Variants in PTPRK observed in about 807,000 individuals in gnomAD.
The protein encoded by PTPRK is protein tyrosine phosphatase receptor type K.
Under a neutral mutation model 178.0 loss-of-function variants are expected in PTPRK, and 75 were observed. The observed-to-expected ratio is 0.42, with a 90% CI of 0.35 to 0.51. PTPRK has a LOEUF of 0.51. Among genes scored for constraint, PTPRK ranks in the 20% least tolerant of loss-of-function variants. The pLI, the probability that PTPRK is intolerant of heterozygous loss-of-function variation, is 0.02. For synonymous variants in PTPRK, 637 were observed against 620.6 expected (o/e 1.03, Z -0.39); for missense variants, 1,441 against 1,797.8 (o/e 0.80, Z 3.59).
chr6:128,045,206 A>G (rs1777850434), intron 13 of PTPRK, among the ~76,000 whole-genome samples: 1 of 152,018 alleles, frequency 6.6e-6, no homozygotes, highest in Admixed American at 6.6e-5. Context: ...TATATTACAC[A>G]CACACATTTT....
At chr6:128,137,343 T>C (rs1795158561) in intron 7 of PTPRK, among the ~76,000 whole-genome samples, 1 of 152,204 alleles carries the variant, frequency 6.6e-6, no homozygotes, top group Non-Finnish European at 1.5e-5. Flanking sequence ...CTTGAAAATC[T>C]AGTTCCATCA....
intron 3 of PTPRK, among the ~76,000 whole-genome samples, chr6:128,258,658 G>C (rs1213153530): frequency 6.6e-6 from 1 of 152,194 alleles, no homozygotes; most frequent in South Asian, 2.1e-4. Flanking sequence ...ACAAGCATAT[G>C]GAACAGTGAC....
At chr6:128,364,126 T>A (rs1265690836) in intron 2 of PTPRK, among the ~76,000 whole-genome samples, 2 of 152,054 alleles carry the variant, frequency 1.3e-5, no homozygotes, top group African/African-American at 2.4e-5. Flanking sequence ...TCAAAAAAAA[T>A]AGACCATACT....
At chr6:128,280,982 A>G (rs1732727608) in intron 3 of PTPRK, among the ~76,000 whole-genome samples, 1 of 152,190 alleles carries the variant, frequency 6.6e-6, no homozygotes, top group South Asian at 2.1e-4. Flanking sequence ...TTAGGAAAAA[A>G]AAATCTAGGT....
chr6:128,132,082 C>T (rs773967039), intron 7 of PTPRK, among the ~76,000 whole-genome samples: 1 of 152,096 alleles, frequency 6.6e-6, no homozygotes, highest in Non-Finnish European at 1.5e-5. Context: ...AAATAAAATG[C>T]TCAGTAAAAT....
intron 13 of PTPRK, among the ~76,000 whole-genome samples, chr6:128,037,028 C>G (rs890098244): frequency 1.3e-5 from 2 of 152,046 alleles, no homozygotes; most frequent in Non-Finnish European, 2.9e-5. Context: ...CGCCGCTCCC[C>G]GCCCTCCCTA....
chr6:128,481,444 A>T (rs2128424068), intron 1 of PTPRK, among the ~76,000 whole-genome samples: 1 of 152,322 alleles, frequency 6.6e-6, no homozygotes. Flanking sequence ...TGCAGATTTC[A>T]AGATGATGAA....
In PTPRK at chr6:128,019,743, T is replaced by C. The variant is rs115041711; in HGVS notation, c.2195-10475A>G. ...GTGCAGTTTACATCCCTGTGTTGTC[T>C]AGTAAACAATAGACAAGTAAACAAG... On this transcript the variant is annotated intron_variant, in intron 13 of 29. Transcript: ENST00000368226. 9.0e-3 allele frequency among the ~76,000 whole-genome samples: 1,367 copies of C among 152,250 alleles called. 29 individuals carry two copies. The highest frequency in any genetic ancestry group is 0.031 in the African/African-American group (1,274 of 41,564).
At chr6:128,515,905 C>T (rs1470967656) in intron 1 of PTPRK, among the ~76,000 whole-genome samples, 1 of 151,958 alleles carries the variant, frequency 6.6e-6, no homozygotes, top group African/African-American at 2.4e-5. Context: ...ACCTGGTATA[C>T]TGCACTTTAA....
chr6:128,154,086 T>C (rs183108406), intron 7 of PTPRK, among the ~76,000 whole-genome samples: 3 of 151,790 alleles, frequency 2.0e-5, no homozygotes, highest in Admixed American at 6.6e-5. Context: ...AGAAGAAGGA[T>C]AGAAAAAGCT....
At chr6:128,480,909 C>A (rs368104842) in intron 1 of PTPRK, among the ~76,000 whole-genome samples, 2 of 152,258 alleles carry the variant, frequency 1.3e-5, no homozygotes, top group South Asian at 4.1e-4. Flanking sequence ...ACTTTCACTG[C>A]TTCTCCAAAT....
intron 1 of PTPRK, among the ~76,000 whole-genome samples, chr6:128,477,979 A>G (rs1851580798): frequency 6.6e-6 from 1 of 152,092 alleles, no homozygotes; most frequent in South Asian, 2.1e-4. Context: ...TAGGAACTGC[A>G]CAATACGTGT....
At chr6:128,281,236 C>A (rs1374467504) in intron 3 of PTPRK, among the ~76,000 whole-genome samples, 1 of 152,176 alleles carries the variant, frequency 6.6e-6, no homozygotes, top group Non-Finnish European at 1.5e-5. Flanking sequence ...GAGAACAGGG[C>A]CAGCCAGATG....
At chr6:128,390,150 GCAAA>G (rs1344251107) in intron 2 of PTPRK, among the ~76,000 whole-genome samples, 3 of 152,098 alleles carry the variant, frequency 2.0e-5, no homozygotes, top group Non-Finnish European at 4.4e-5. Flanking sequence ...ATACCTCACT[GCAAA>G]CAAAGACTTA....
chr6:127,982,303 C>T (rs1471610762), intron 24 of PTPRK, among the ~76,000 whole-genome samples: 3 of 151,822 alleles, frequency 2.0e-5, no homozygotes, highest in Non-Finnish European at 4.4e-5. Context: ...GACGGAGTCT[C>T]GCTCTGTTGC....
At chr6:128,141,180 G>A (rs756002467) in intron 7 of PTPRK, among the ~76,000 whole-genome samples, 6 of 151,834 alleles carry the variant, frequency 4.0e-5, no homozygotes, top group Admixed American at 6.6e-5. Flanking sequence ...ATTAAATAGT[G>A]TTCAAAATTA....
chr6:127,975,478 A>G lies in PTPRK; in HGVS notation c.3969+1179T>C, dbSNP rs534436642. The stretch of plus-strand genomic sequence containing the variant: ...ACATATAGACTTATTAACCAGACAC[A>G]CACGTAGTCATTTTGATATGAGAGA... On this transcript the variant is annotated intron_variant, in intron 27 of 29. Transcript: ENST00000368226. Among the ~76,000 whole-genome samples, 32 of 152,284 alleles carry G rather than the reference A, an allele frequency of 2.1e-4. 1 individual carries two copies. In the South Asian group the frequency reaches 6.4e-3, roughly 31 times the overall value.
chr6:128,435,106 AAGGCAGGAAGGCAGGCAGGAAGGC>A (rs1352612094), intron 1 of PTPRK, among the ~76,000 whole-genome samples: 1,491 of 63,316 alleles, frequency 0.024, 19 homozygotes, highest in African/African-American at 0.048. Flanking sequence ...GGAAGGAAGG[AAGGCAGGAAGGCAGGCAGGAAGGC>A]AGGCAGGCAG....
chr6:127,988,188 A>AGAGGAAGAG, intron 21 of PTPRK, among the ~76,000 whole-genome samples: 1 of 151,730 alleles, frequency 6.6e-6, no homozygotes, highest in South Asian at 2.1e-4. Context: ...CATGGGGAAG[A>AGAGGAAGAG]GAGGAAGAGG....
Sources: allele counts gnomAD v4.1 joint callset (sites outside exome capture counted in the v4.1 genomes callset), GRCh38; gene constraint gnomAD v4.1.1; transcripts MANE v1.5; gene names NCBI Gene and HGNC (gene_info 2026-07-23, HGNC 2026-07-21).